PEX3: variants seen among roughly 807,000 people sequenced by gnomAD.
PEX3 encodes peroxisomal biogenesis factor 3, also known as peroxin-3.
In PEX3, 30 loss-of-function variants were observed where a neutral mutation model predicts 55.8. The ratio of observed to expected loss-of-function variants is 0.54; its 90% confidence interval spans 0.40 to 0.73. The LOEUF (loss-of-function observed/expected upper bound fraction) is 0.73, where lower values mean the gene tolerates loss of function less well. PEX3 is among the 30% of genes least tolerant of loss of function. The pLI, the probability that PEX3 is intolerant of heterozygous loss-of-function variation, is 0.00. For missense variants in PEX3, 351 were observed against 432.8 expected (o/e 0.81, Z 1.68); for synonymous variants, 135 against 148.4 (o/e 0.91, Z 0.66).
intron 1 of PEX3, among the ~76,000 whole-genome samples, chr6:143,452,355 T>C (rs1212488147): frequency 1.3e-5 from 2 of 152,192 alleles, no homozygotes; most frequent in African/African-American, 4.8e-5. Flanking sequence ...TAATGTATAT[T>C]TAAATTATCC....
At chr6:143,452,303 A>G (rs945088990) in intron 1 of PEX3, among the ~76,000 whole-genome samples, 4 of 152,220 alleles carry the variant, frequency 2.6e-5, no homozygotes, top group Admixed American at 6.5e-5. Flanking sequence ...GAAATCCTTT[A>G]TATATAAAAG....
intron 8 of PEX3, among the ~76,000 whole-genome samples, chr6:143,473,804 C>T (rs368228821): frequency 2.0e-3 from 311 of 151,924 alleles, no homozygotes; most frequent in African/African-American, 7.1e-3. Flanking sequence ...CTCAGCAGTT[C>T]GAGTCCGTGG....
rs1254201238 is a variant in PEX3 at position 143,463,885 on chromosome 6, G to T, written c.287+888G>T. ...CAGTAGGAATTGAGTGCTCAGACAGGCTACATAACAAGTGGGGAATTTTTT... is the reference window on the plus strand; with the variant it reads ...CAGTAGGAATTGAGTGCTCAGACAGTCTACATAACAAGTGGGGAATTTTTT... On this transcript the variant is annotated intron_variant, in intron 3 of 11. Transcript: ENST00000367591. This position sits in a 1 kb window ranked among gnomAD's most constrained non-coding sequence, Gnocchi z 5.7. 6.6e-6 allele frequency among the ~76,000 whole-genome samples: 1 copy of T among 152,064 alleles called. No homozygotes were observed. The highest frequency in any genetic ancestry group is 1.5e-5 in the Non-Finnish European group (1 of 67,964).
In PEX3 at chr6:143,472,293, A is replaced by G. The variant is rs1780085780; in HGVS notation, c.712A>G (p.Met238Val). ...DGSKPLLCHYMMPDEETPLAV... is the reference protein window; with the variant it reads ...DGSKPLLCHYVMPDEETPLAV... ...ATCCAAACCTTTATTATGCCATTAT[A>G]TGATGCCAGATGAAGAAACTCCATT... is the stretch of plus-strand genomic sequence containing the variant. The change falls in exon 8 of 12, where the codon ATG becomes GTG. Residue 238 changes from methionine to valine, a missense_variant. Coordinates refer to ENST00000367591, the MANE Select transcript of PEX3 (RefSeq NM_003630.3). 6.2e-7 allele frequency: 1 copy of G among 1,609,442 alleles called. No homozygotes were observed. The highest frequency in any genetic ancestry group is 2.2e-5 in the East Asian group (1 of 44,762).
rs114480143 is a variant in PEX3 at position 143,464,946 on chromosome 6, T to G, written c.287+1949T>G. ...AGTAGATGATTTGATAGTCTTATTTTGCCAACTTCATAACAGCAAATAAAC... is the reference window on the plus strand; with the variant it reads ...AGTAGATGATTTGATAGTCTTATTTGGCCAACTTCATAACAGCAAATAAAC... On this transcript the variant is annotated intron_variant, in intron 3 of 11. Coordinates refer to ENST00000367591, the MANE Select transcript of PEX3 (RefSeq NM_003630.3). The surrounding 1 kb of genome is among the most constrained non-coding windows in gnomAD (Gnocchi z 5.8). Among the ~76,000 whole-genome samples the G allele has an allele frequency of 2.2e-3, 332 of 152,128 alleles. 1 individual carries two copies. Among genetic ancestry groups the G allele is most frequent in the African/African-American group, 7.2e-3 (300 of 41,560 alleles).
intron 1 of PEX3, among the ~76,000 whole-genome samples, chr6:143,457,640 C>T (rs948019174): frequency 6.6e-6 from 1 of 152,284 alleles, no homozygotes; most frequent in South Asian, 2.1e-4. Context: ...CTGGGGGTCA[C>T]AGACAGTGGG....
intron 9 of PEX3, among the ~76,000 whole-genome samples, chr6:143,478,459 G>T (rs1230461378): frequency 1.3e-5 from 2 of 151,972 alleles, no homozygotes; most frequent in Non-Finnish European, 2.9e-5. Context: ...AAGGAGAAAA[G>T]GTAGGTAGAT....
intron 4 of PEX3, 24 bp downstream of exon 4, chr6:143,468,189 C>G (rs1780016603): frequency 1.3e-6 from 2 of 1,508,532 alleles, no homozygotes; most frequent in South Asian, 2.3e-5. Context: ...TTCTGTGTGA[C>G]AGCACATCCT....
intron 1 of PEX3, among the ~76,000 whole-genome samples, chr6:143,457,763 A>G (rs1011097770): frequency 2.0e-5 from 3 of 152,150 alleles, no homozygotes; most frequent in Admixed American, 1.3e-4. Context: ...AAGTAACACA[A>G]CCTGTTCTGT....
chr6:143,455,136 G>C (rs1392918810), intron 1 of PEX3, among the ~76,000 whole-genome samples: 1 of 150,890 alleles, frequency 6.6e-6, no homozygotes, highest in Non-Finnish European at 1.5e-5. Context: ...ATGTACTGGG[G>C]ATGCAGCATC....
chr6:143,487,748 A>G lies in PEX3; in HGVS notation c.1039-1395A>G, dbSNP rs747511199. Among the ~76,000 whole-genome samples, 7 of 151,792 alleles carry G rather than the reference A, an allele frequency of 4.6e-5. No homozygotes were observed. Among genetic ancestry groups the G allele is most frequent in the Non-Finnish European group, 7.4e-5 (5 of 67,940 alleles). ...TAGTATTTTTTTTTTTATCTACTGT[A>G]ACTATTCTGAAAGCTTCATTTGTAT... On this transcript the variant is annotated intron_variant, in intron 11 of 11. Coordinates refer to ENST00000367591, the MANE Select transcript of PEX3 (RefSeq NM_003630.3). The surrounding 1 kb of genome is among the most constrained non-coding windows in gnomAD (Gnocchi z 5.3).
chr6:143,483,962 C>G lies in PEX3; in HGVS notation c.942-1190C>G, dbSNP rs1042225890. On this transcript the variant is annotated intron_variant, in intron 10 of 11. Transcript: ENST00000367591. The surrounding 1 kb of genome is among the most constrained non-coding windows in gnomAD (Gnocchi z 4.3). ...AAAGGTACCATGAAAAAAAAAATGC[C>G]TGCTTCCCTCAGGAATACATAAATC... Among the ~76,000 whole-genome samples the G allele has an allele frequency of 3.3e-5, 5 of 151,854 alleles. No individual in the cohort carries two copies. Among genetic ancestry groups the G allele is most frequent in the African/African-American group, 9.7e-5 (4 of 41,366 alleles).
In PEX3 at chr6:143,479,017, A is replaced by G. The variant is rs1780191165; in HGVS notation, c.819-59A>G. 1.0e-5 allele frequency: 11 copies of G among 1,077,168 alleles called. No homozygotes were observed. In the East Asian group the frequency reaches 2.4e-4, roughly 23 times the overall value. The allele number at this position is 1,077,168 out of a possible 1,614,324, so 66.7% of individuals were successfully genotyped here. A position where few individuals can be genotyped will look rare whatever the true frequency, so the allele number is the denominator to read the frequency against. On this transcript the variant is annotated intron_variant, in intron 9 of 11. Transcript: ENST00000367591. The surrounding 1 kb of genome is among the most constrained non-coding windows in gnomAD (Gnocchi z 4.6). ...TCAAAGGTAACCACGTTATTACTGA[A>G]TTTGTTTTCTCTTCCATTCAGAGTC...
rs1186174366 is a variant in PEX3 at position 143,479,079 on chromosome 6, A to G, written c.822A>G (p.Pro274=). Residue 274 remains proline (P), a synonymous_variant, in exon 10 of 12, where the codon CCA becomes CCG. Coordinates refer to ENST00000367591, the MANE Select transcript of PEX3 (RefSeq NM_003630.3). The surrounding 1 kb of genome is among the most constrained non-coding windows in gnomAD (Gnocchi z 4.6). The stretch of plus-strand genomic sequence containing the variant: ...TTATACTTCTTACTTTATATAGCCC[A>G]GATTTTAGTACAGTTTTGAATACCT... ...LNETRDMLES[P]DFSTVLNTCL... The G allele has an allele frequency of 6.4e-7, 1 of 1,559,672 alleles. No homozygotes were observed. The highest frequency in any genetic ancestry group is 1.1e-5 in the South Asian group (1 of 89,918).
Position 143,454,409 on chromosome 6 carries a change from G to A in PEX3, c.73+3294G>A, listed in dbSNP as rs1245490986. Among the ~76,000 whole-genome samples, 1 of 152,230 alleles carries A rather than the reference G, an allele frequency of 6.6e-6. No individual in the cohort carries two copies. The highest frequency in any genetic ancestry group is 1.9e-4 in the East Asian group (1 of 5,204). The stretch of plus-strand genomic sequence containing the variant: ...AGTTTTGGAGAACAGAGAGCAACCA[G>A]ATTGATATTTATTGACTTACTGGTT... On this transcript the variant is annotated intron_variant, in intron 1 of 11. Transcript: ENST00000367591. This position sits in a 1 kb window ranked among gnomAD's most constrained non-coding sequence, Gnocchi z 4.3.
intron 3 of PEX3, among the ~76,000 whole-genome samples, chr6:143,467,754 A>G (rs1458486261): frequency 3.3e-5 from 5 of 152,168 alleles, no homozygotes; most frequent in Non-Finnish European, 5.9e-5. Flanking sequence ...TGTGTTTATG[A>G]TCGTAAAACA....
rs1223695699 is a variant in PEX3, at chr6:143,458,438, T to TA, written c.74-646dup. Among the ~76,000 whole-genome samples, 1 of 152,192 alleles carries TA rather than the reference T, an allele frequency of 6.6e-6. No homozygotes were observed. Among genetic ancestry groups the TA allele is most frequent in the Admixed American group, 6.5e-5 (1 of 15,276 alleles). ...TTTTTCTAACACATGGATGGATAAA[T>TA]AGACTTCTGCCTGACTAACTACCTT... On this transcript the variant is annotated intron_variant, in intron 1 of 11. Transcript: ENST00000367591. This position sits in a 1 kb window ranked among gnomAD's most constrained non-coding sequence, Gnocchi z 6.1.
rs936030479 is a variant in PEX3 at position 143,454,845 on chromosome 6, T to G, written c.73+3730T>G. On this transcript the variant is annotated intron_variant, in intron 1 of 11. Coordinates refer to ENST00000367591, the MANE Select transcript of PEX3 (RefSeq NM_003630.3). This position sits in a 1 kb window ranked among gnomAD's most constrained non-coding sequence, Gnocchi z 4.3. ...TTGCTTTTTATGAATGAAACTGTATTTCACTATGGCTATGCAAATGAGAAG... is the reference window on the plus strand; with the variant it reads ...TTGCTTTTTATGAATGAAACTGTATGTCACTATGGCTATGCAAATGAGAAG... Among the ~76,000 whole-genome samples the G allele has an allele frequency of 1.3e-5, 2 of 152,234 alleles. No homozygotes were observed. Among genetic ancestry groups the G allele is most frequent in the African/African-American group, 4.8e-5 (2 of 41,456 alleles).
chr6:143,471,168 T>G lies in PEX3; in HGVS notation c.456+83T>G. The G allele has an allele frequency of 1.6e-6, 2 of 1,234,146 alleles. No homozygotes were observed. The highest frequency in any genetic ancestry group is 2.4e-6 in the Non-Finnish European group (2 of 844,238). 76.4% of individuals were successfully genotyped at this position (1,234,146 alleles called of 1,614,324 possible). A position where few individuals can be genotyped will look rare whatever the true frequency, so the allele number is the denominator to read the frequency against. ...ACTTATTTATCCTGATAACAATTTC[T>G]ATGAAATAAATATTTTTATATTTCA... On this transcript the variant is annotated intron_variant, in intron 5 of 11. Transcript: ENST00000367591. The surrounding 1 kb of genome is among the most constrained non-coding windows in gnomAD (Gnocchi z 5.4).
Sources: gnomAD v4.1 joint callset for allele counts (sites outside exome capture counted in the v4.1 genomes callset) on GRCh38, gnomAD v4.1.1 for gene constraint, Gnocchi (gnomAD v3.1) non-coding constraint, MANE v1.5 for transcripts, NCBI Gene and HGNC (gene_info 2026-07-23, HGNC 2026-07-21) for gene names.